FSTL5: variants seen among roughly 807,000 people sequenced by gnomAD.
FSTL5 encodes the protein follistatin-related protein 5.
A neutral mutation model predicts 89.1 loss-of-function variants in FSTL5; 62 were observed. That is an observed-to-expected ratio of 0.70 (90% CI 0.57 to 0.86). The LOEUF is 0.86. Ranked by LOEUF, FSTL5 falls within the 40% of genes least tolerant of loss-of-function variation. FSTL5 has a pLI of 0.00. For synonymous variants in FSTL5, 383 were observed against 346.2 expected (o/e 1.11, Z -1.18); for missense variants, 1,057 against 1,001.6 (o/e 1.06, Z -0.75).
Position 161,423,565 on chromosome 4 carries a change from CT to C in FSTL5, c.1841+31438del, listed in dbSNP as rs571050804. ...TTTGGCATGATAGCTCACTATTTTTCTTTTTTTAAAGTTAATTATGGACTTT... is the reference window on the plus strand; with the variant it reads ...TTTGGCATGATAGCTCACTATTTTTCTTTTTTAAAGTTAATTATGGACTTT... On this transcript the variant is annotated intron_variant, in intron 15 of 15. Transcript: ENST00000306100. Among the ~76,000 whole-genome samples, 84 of 151,764 alleles carry C rather than the reference CT, an allele frequency of 5.5e-4. No individual in the cohort carries two copies. In the Middle Eastern group the frequency reaches 0.01, roughly 18 times the overall value.
chr4:162,069,192 A>G (rs1040406394), intron 2 of FSTL5, among the ~76,000 whole-genome samples: 16 of 151,986 alleles, frequency 1.1e-4, no homozygotes, highest in African/African-American at 3.6e-4. Flanking sequence ...CACATCTAAA[A>G]TGAACTGTAC....
chr4:162,055,109 C>T (rs1738495675), intron 2 of FSTL5, among the ~76,000 whole-genome samples: 1 of 151,658 alleles, frequency 6.6e-6, no homozygotes, highest in African/African-American at 2.4e-5. Flanking sequence ...TTTATTTCTG[C>T]TTTTTCATGT....
At chr4:162,156,687 A>G (rs1054385820) in intron 1 of FSTL5, among the ~76,000 whole-genome samples, 5 of 152,174 alleles carry the variant, frequency 3.3e-5, no homozygotes, top group African/African-American at 4.8e-5. Flanking sequence ...GTGGGAGCTA[A>G]ATATTGTATA....
intron 2 of FSTL5, among the ~76,000 whole-genome samples, chr4:162,066,367 T>TCTTCTTCTTCTTCTTCTTCTC (rs1561000598): frequency 2.2e-5 from 3 of 136,470 alleles, no homozygotes; most frequent in African/African-American, 8.0e-5. Flanking sequence ...TTCTTCTTCT[T>TCTTCTTCTTCTTCTTCTTCTC]CTTCTCCTTC....
intron 2 of FSTL5, chr4:162,043,329 TG>T (rs892940827): frequency 6.6e-6 from 1 of 152,212 alleles, no homozygotes; most frequent in Admixed American, 6.5e-5. Context: ...ACCTGAATTT[TG>T]CAGTTTCCCA....
intron 4 of FSTL5, among the ~76,000 whole-genome samples, chr4:161,885,430 C>T (rs1732777040): frequency 1.3e-5 from 2 of 152,072 alleles, no homozygotes; most frequent in South Asian, 4.1e-4. Context: ...AAAGCCTTAC[C>T]ATATCCATAT....
chr4:161,836,573 G>A (rs1162239324), intron 4 of FSTL5, among the ~76,000 whole-genome samples: 1 of 151,970 alleles, frequency 6.6e-6, no homozygotes, highest in Non-Finnish European at 1.5e-5. Flanking sequence ...GTGATGAGCT[G>A]GTCATGGAGG....
At chr4:161,775,461 T>C (rs192458127) in intron 5 of FSTL5, among the ~76,000 whole-genome samples, 38 of 152,266 alleles carry the variant, frequency 2.5e-4, no homozygotes, top group Non-Finnish European at 5.0e-4. Context: ...CTTAAATCAT[T>C]TATATACACT....
chr4:161,953,304 C>G (rs1734946248), intron 3 of FSTL5, among the ~76,000 whole-genome samples: 1 of 151,434 alleles, frequency 6.6e-6, no homozygotes, highest in Non-Finnish European at 1.5e-5. Context: ...CCATGTAAAA[C>G]TTAGTAAGAC....
At chr4:161,552,123 A>G (rs1434133526) in intron 8 of FSTL5, among the ~76,000 whole-genome samples, 1 of 151,942 alleles carries the variant, frequency 6.6e-6, no homozygotes, top group Non-Finnish European at 1.5e-5. Context: ...ATGTTAATGT[A>G]CTTATGGTAA....
chr4:161,540,818 A>G (rs1731793287), intron 9 of FSTL5, among the ~76,000 whole-genome samples: 1 of 152,118 alleles, frequency 6.6e-6, no homozygotes, highest in African/African-American at 2.4e-5. Context: ...TCGCAAGAAC[A>G]TGCTCATCAC....
intron 4 of FSTL5, among the ~76,000 whole-genome samples, chr4:161,851,516 G>A (rs1731548480): frequency 6.6e-6 from 1 of 152,026 alleles, no homozygotes; most frequent in South Asian, 2.1e-4. Context: ...CAAAAAGTAT[G>A]TGTCTATATA....
At chr4:161,915,159 T>C (rs1310788209) in intron 4 of FSTL5, among the ~76,000 whole-genome samples, 1 of 152,194 alleles carries the variant, frequency 6.6e-6, no homozygotes, top group Admixed American at 6.5e-5. Flanking sequence ...GCCTTCACTA[T>C]AGTATATTGG....
intron 4 of FSTL5, among the ~76,000 whole-genome samples, chr4:161,813,586 C>T (rs921681413): frequency 6.6e-6 from 1 of 152,296 alleles, no homozygotes; most frequent in Non-Finnish European, 1.5e-5. Context: ...CGTTTACACA[C>T]AGTCAGCATT....
intron 3 of FSTL5, among the ~76,000 whole-genome samples, chr4:161,982,867 T>C (rs552174402): frequency 3.3e-5 from 5 of 152,316 alleles, no homozygotes; most frequent in African/African-American, 1.2e-4. Flanking sequence ...ATGCCTACAA[T>C]GTCTTAGTTA....
intron 2 of FSTL5, among the ~76,000 whole-genome samples, chr4:162,059,985 T>A (rs2111278875): frequency 6.6e-6 from 1 of 152,292 alleles, no homozygotes; most frequent in Non-Finnish European, 1.5e-5. Flanking sequence ...GAGAAACGAA[T>A]TGACTCAATA....
intron 7 of FSTL5, among the ~76,000 whole-genome samples, chr4:161,642,168 T>C (rs1269378784): frequency 2.6e-5 from 4 of 152,010 alleles, no homozygotes; most frequent in Middle Eastern, 3.4e-3. Context: ...ATGGCTACTA[T>C]TTTTTTTGTG....
intron 15 of FSTL5, among the ~76,000 whole-genome samples, chr4:161,404,974 T>A (rs561641863): frequency 1.3e-5 from 2 of 152,302 alleles, no homozygotes; most frequent in Admixed American, 6.5e-5. Flanking sequence ...CTCATGCCTG[T>A]AATCCCAGAA....
intron 8 of FSTL5, among the ~76,000 whole-genome samples, chr4:161,582,083 G>A (rs1560964787): frequency 2.0e-5 from 3 of 152,158 alleles, no homozygotes; most frequent in African/African-American, 7.2e-5. Context: ...GTTTGAAAAG[G>A]AACAGGGCTA....
Sources: gnomAD v4.1 joint callset for allele counts (sites outside exome capture counted in the v4.1 genomes callset) on GRCh38, gnomAD v4.1.1 for gene constraint, MANE v1.5 for transcripts, NCBI Gene and HGNC (gene_info 2026-07-23, HGNC 2026-07-21) for gene names.